SAMSN1: variants seen among roughly 807,000 people sequenced by gnomAD.
SAMSN1 encodes SAM domain-containing protein SAMSN-1.
A neutral mutation model predicts 42.0 loss-of-function variants in SAMSN1; 31 were observed. That is an observed-to-expected ratio of 0.74 (90% confidence interval 0.55 to 1.00). The LOEUF is 1.00. Ranked by LOEUF, SAMSN1 falls within the 50% of genes least tolerant of loss-of-function variation. The pLI, the probability that SAMSN1 is intolerant of heterozygous loss-of-function variation, is 0.00. For synonymous variants in SAMSN1, 178 were observed against 151.9 expected, an observed-to-expected ratio of 1.17 and a Z score of -1.26; for missense variants, 464 against 439.4, an observed-to-expected ratio of 1.06 and a Z score of -0.50.
chr21:14,583,679 T>C (rs748467129), upstream of SAMSN1: 12 of 717,390 alleles, frequency 1.7e-5, no homozygotes, highest in Admixed American at 4.0e-5. Flanking sequence ...TTTCACCTCA[T>C]CCAGATTCTG....
intron 2 of SAMSN1, among the ~76,000 whole-genome samples, chr21:14,576,373 T>C (rs1156554451): frequency 6.6e-6 from 1 of 152,108 alleles, no homozygotes; most frequent in East Asian, 1.9e-4. Flanking sequence ...AGAGACAAAA[T>C]GGAGGACAGG....
At chr21:14,642,502 T>G (rs1054159061) in intron 2 of SAMSN1, among the ~76,000 whole-genome samples, 1 of 152,178 alleles carries the variant, frequency 6.6e-6, no homozygotes. Flanking sequence ...ATTCAGATAC[T>G]GCAAACCTGT....
intron 1 of SAMSN1, among the ~76,000 whole-genome samples, chr21:14,542,682 C>T (rs1052923603): frequency 1.3e-5 from 2 of 152,072 alleles, no homozygotes; most frequent in African/African-American, 4.8e-5. Context: ...TGCCTGTAAT[C>T]CCAGCACTTT....
At chr21:14,601,839 A>AT (rs912891496) in intron 6 of SAMSN1, among the ~76,000 whole-genome samples, 1 of 152,196 alleles carries the variant, frequency 6.6e-6, no homozygotes, top group African/African-American at 2.4e-5. Context: ...TCATCATTGA[A>AT]TTTTTTTCAT....
At chr21:14,588,179 C>T (rs1471875064), upstream of SAMSN1, among the ~76,000 whole-genome samples, 1 of 129,316 alleles carries the variant, frequency 7.7e-6, no homozygotes, top group Admixed American at 8.4e-5. Context: ...CAAGTCTTTG[C>T]TATTGTGAAT....
chr21:14,636,043 G>A (rs1360040157), intron 2 of SAMSN1, among the ~76,000 whole-genome samples: 1 of 152,050 alleles, frequency 6.6e-6, no homozygotes, highest in Non-Finnish European at 1.5e-5. Flanking sequence ...TCCCACCTAT[G>A]AGTGAGAACA....
At chr21:14,649,897 T>C (rs1983802348) in intron 1 of SAMSN1, among the ~76,000 whole-genome samples, 1 of 151,998 alleles carries the variant, frequency 6.6e-6, no homozygotes, top group African/African-American at 2.4e-5. Context: ...ACTAAACTTA[T>C]ATCAGATAAA....
At chr21:14,590,668 A>T (rs188186107) in intron 7 of SAMSN1, among the ~76,000 whole-genome samples, 44 of 152,246 alleles carry the variant, frequency 2.9e-4, no homozygotes, top group African/African-American at 1.2e-4. Flanking sequence ...GAAGTATTCA[A>T]TTTTTTCTAC....
At chr21:14,513,509 G>A (rs1804451375) in intron 3 of SAMSN1, among the ~76,000 whole-genome samples, 1 of 141,016 alleles carries the variant, frequency 7.1e-6, no homozygotes, top group Non-Finnish European at 1.6e-5. Flanking sequence ...AGCTGTGTGT[G>A]TTTGTGTGTG....
rs1982748422 is a variant in SAMSN1, at chr21:14,612,998, C to T, written c.198-85G>A. ...AACAGAAATTAGAATATGTGCAACA[C>T]TTTGGGAACAGAAATAAATTCTACC... On this transcript the variant is annotated intron_variant, in intron 3 of 15. Transcript: ENST00000647101. The T allele has an allele frequency of 5.0e-6, 3 of 603,072 alleles. No individual in the cohort carries two copies. In the Admixed American group the frequency reaches 8.4e-5, roughly 17 times the overall value. The allele number at this position is 603,072 out of a possible 1,614,324, so 37.4% of individuals were successfully genotyped here.
At chr21:14,579,300 G>C (rs556351016) in intron 2 of SAMSN1, among the ~76,000 whole-genome samples, 1 of 152,232 alleles carries the variant, frequency 6.6e-6, no homozygotes, top group South Asian at 2.1e-4. Flanking sequence ...AGATATGTTT[G>C]ACCTTCTGCA....
chr21:14,565,021 G>A (rs564894532), intron 2 of SAMSN1, among the ~76,000 whole-genome samples: 44 of 152,272 alleles, frequency 2.9e-4, no homozygotes, highest in Admixed American at 2.6e-3. Flanking sequence ...TGGGCTGGGA[G>A]TGGTGGCTCA....
At chr21:14,521,707 G>C (rs1978495361) in intron 1 of SAMSN1, among the ~76,000 whole-genome samples, 1 of 152,090 alleles carries the variant, frequency 6.6e-6, no homozygotes. Context: ...GCTGGGGCCT[G>C]TGGGGTGGAG....
chr21:14,574,180 G>GA (rs752897970), intron 2 of SAMSN1, among the ~76,000 whole-genome samples: 4 of 152,144 alleles, frequency 2.6e-5, no homozygotes, highest in Non-Finnish European at 5.9e-5. Context: ...TGGCTAATAA[G>GA]CATATTGGGC....
intron 5 of SAMSN1, among the ~76,000 whole-genome samples, chr21:14,603,290 T>C (rs540791169): frequency 6.4e-4 from 98 of 152,274 alleles, no homozygotes; most frequent in African/African-American, 2.2e-3. Flanking sequence ...AAAAGAACAG[T>C]AAAGTGGCCT....
intron 1 of SAMSN1, among the ~76,000 whole-genome samples, chr21:14,529,494 A>G (rs1979100009): frequency 1.3e-5 from 2 of 152,254 alleles, no homozygotes; most frequent in Non-Finnish European, 2.9e-5. Context: ...GTTGATGTTT[A>G]AAGACCATAA....
chr21:14,579,416 CACAA>C (rs1341751638), intron 2 of SAMSN1, among the ~76,000 whole-genome samples: 1 of 152,104 alleles, frequency 6.6e-6, no homozygotes, highest in African/African-American at 2.4e-5. Context: ...TACACACATC[CACAA>C]ACACTCACAT....
chr21:14,610,632 C>G (rs565407756), intron 4 of SAMSN1, among the ~76,000 whole-genome samples: 2 of 152,238 alleles, frequency 1.3e-5, no homozygotes, highest in South Asian at 2.1e-4. Flanking sequence ...TGTGATGTCT[C>G]CCACAGATAC....
chr21:14,536,898 A>G (rs1484964481), intron 1 of SAMSN1, among the ~76,000 whole-genome samples: 1 of 152,196 alleles, frequency 6.6e-6, no homozygotes, highest in Non-Finnish European at 1.5e-5. Flanking sequence ...GTAAGTACAA[A>G]TATATCCCAA....
Sources: allele counts gnomAD v4.1 joint callset (sites outside exome capture counted in the v4.1 genomes callset), GRCh38; gene constraint gnomAD v4.1.1; transcripts MANE v1.5; gene names NCBI Gene and HGNC (gene_info 2026-07-23, HGNC 2026-07-21).